Variants in SERPINA6 observed in about 807,000 individuals in gnomAD.
SERPINA6 encodes corticosteroid-binding globulin.
SERPINA6 carries 19 observed loss-of-function variants against 26.4 expected under a neutral mutation model. That is an observed-to-expected ratio of 0.72 (90% CI 0.50 to 1.06). The LOEUF is 1.06. Among genes scored for constraint, SERPINA6 ranks in the 50% least tolerant of loss-of-function variants. SERPINA6 has a pLI of 0.00. For missense variants in SERPINA6, 473 were observed against 504.0 expected (o/e 0.94, Z 0.59); for synonymous variants, 196 against 199.4 (o/e 0.98, Z 0.14).
intron 1 of SERPINA6, among the ~76,000 whole-genome samples, chr14:94,319,617 A>T (rs1244916870): frequency 6.6e-6 from 1 of 152,252 alleles, no homozygotes; most frequent in African/African-American, 2.4e-5. Flanking sequence ...ACAATGGAAT[A>T]CTATTCAACT....
At chr14:94,313,785 T>C in intron 2 of SERPINA6, 1 of 639,758 alleles carries the variant, frequency 1.6e-6, no homozygotes, top group South Asian at 1.7e-5. Context: ...TGTTCATGGT[T>C]ACAGGTGTGG....
intron 1 of SERPINA6, among the ~76,000 whole-genome samples, chr14:94,319,690 A>G (rs1354430140): frequency 6.6e-6 from 1 of 152,230 alleles, no homozygotes; most frequent in African/African-American, 2.4e-5. Flanking sequence ...ACATTATGTT[A>G]TGTGAAATAA....
intron 3 of SERPINA6, 94 bp from the exon 4 acceptor site, chr14:94,306,312 C>G (rs992245496): frequency 9.4e-5 from 126 of 1,342,882 alleles, no homozygotes; most frequent in Non-Finnish European, 1.3e-4. Context: ...CTCTTATTTC[C>G]TCATGCGCTC....
intron 1 of SERPINA6, among the ~76,000 whole-genome samples, chr14:94,317,594 C>T (rs943746441): frequency 1.3e-5 from 2 of 152,192 alleles, no homozygotes; most frequent in Admixed American, 6.5e-5. Context: ...CCATTTTATT[C>T]ACACCTCAAA....
chr14:94,312,226 G>C (rs901403988), intron 2 of SERPINA6, among the ~76,000 whole-genome samples: 1 of 152,166 alleles, frequency 6.6e-6, no homozygotes, highest in African/African-American at 2.4e-5. Context: ...ACCTAAAGCT[G>C]TGATCTCCTA....
chr14:94,321,031 C>T (rs1895678715), intron 1 of SERPINA6, among the ~76,000 whole-genome samples: 1 of 152,124 alleles, frequency 6.6e-6, no homozygotes, highest in Admixed American at 6.5e-5. Context: ...CTAGCACTGC[C>T]ATGTATGAAT....
intron 1 of SERPINA6, chr14:94,314,915 A>G (rs1030570498): frequency 1.6e-5 from 9 of 576,282 alleles, no homozygotes; most frequent in Non-Finnish European, 2.8e-5. Context: ...GTCTGGCTAT[A>G]TTCAGTCATC....
chr14:94,319,316 G>A (rs1033652748), intron 1 of SERPINA6, among the ~76,000 whole-genome samples: 16 of 152,126 alleles, frequency 1.1e-4, no homozygotes, highest in African/African-American at 3.9e-4. Context: ...TTAAATGTTA[G>A]CATTGCATGT....
At chr14:94,309,283 T>C (rs1895488662) in intron 3 of SERPINA6, among the ~76,000 whole-genome samples, 1 of 150,094 alleles carries the variant, frequency 6.7e-6, no homozygotes, top group African/African-American at 2.4e-5. Context: ...GAACCATTCA[T>C]AGATTTTGCA....
intron 1 of SERPINA6, among the ~76,000 whole-genome samples, chr14:94,321,253 T>C (rs1280409202): frequency 1.3e-5 from 2 of 152,058 alleles, no homozygotes; most frequent in South Asian, 2.1e-4. Flanking sequence ...CTTTTACCCA[T>C]CTGCAGCTGC....
chr14:94,304,565 A>G lies in SERPINA6; in HGVS notation c.1071T>C (p.Gly357=), dbSNP rs144033310. ...HKAVLQLNEE[G]VDTAGSTGVT... is the part of the protein sequence containing the mutation. ...CCCCAGTGGAGCCAGCTGTGTCCAC[A>G]CCCTCCTCATTGAGTTGCAGCACAG... is the stretch of plus-strand genomic sequence containing the variant. Residue 357 remains glycine (G), a synonymous_variant, in exon 5 of 5, where the codon GGT becomes GGC. Coordinates refer to ENST00000341584, the MANE Select transcript of SERPINA6 (RefSeq NM_001756.4). 4.3e-6 allele frequency: 7 copies of G among 1,614,092 alleles called. No homozygotes were observed. Among genetic ancestry groups the G allele is most frequent in the Non-Finnish European group, 5.9e-6 (7 of 1,180,016 alleles).
At chr14:94,308,821 A>G (rs1345193990) in intron 3 of SERPINA6, among the ~76,000 whole-genome samples, 1 of 152,028 alleles carries the variant, frequency 6.6e-6, no homozygotes. Context: ...CCATCCGCTC[A>G]CTCATGCATC....
chr14:94,313,747 G>A (rs1267095196), intron 2 of SERPINA6: 7 of 566,342 alleles, frequency 1.2e-5, no homozygotes, highest in Non-Finnish European at 1.9e-5. Context: ...TTGACAGTCA[G>A]CATTTGTGGA....
At chr14:94,307,634 T>C (rs937483601) in intron 3 of SERPINA6, among the ~76,000 whole-genome samples, 5 of 152,224 alleles carry the variant, frequency 3.3e-5, no homozygotes, top group African/African-American at 7.2e-5. Context: ...AGGTTTTCTT[T>C]GGTGGGTAGA....
chr14:94,305,971 A>C, intron 4 of SERPINA6, 100 bp downstream of exon 4: 2 of 1,386,480 alleles, frequency 1.4e-6, no homozygotes, highest in Non-Finnish European at 1.0e-6. Context: ...CCAGGGACCT[A>C]GAGGCTCATT....
intron 4 of SERPINA6, 48 bp from the exon 5 acceptor site, chr14:94,304,651 T>A: frequency 1.3e-6 from 2 of 1,532,320 alleles, no homozygotes; most frequent in Non-Finnish European, 1.8e-6. Flanking sequence ...CTGTGCGTTC[T>A]CGCTTTCCTG....
chr14:94,321,377 G>A (rs1332068826), intron 1 of SERPINA6, among the ~76,000 whole-genome samples: 1 of 152,218 alleles, frequency 6.6e-6, no homozygotes, highest in African/African-American at 2.4e-5. Context: ...GGGGGTCTTT[G>A]TGACCCAGTC....
chr14:94,312,170 ATG>A (rs1258561744), intron 2 of SERPINA6, among the ~76,000 whole-genome samples: 1 of 152,160 alleles, frequency 6.6e-6, no homozygotes, highest in African/African-American at 2.4e-5. Flanking sequence ...ATCTCCATCA[ATG>A]TCTGGTCCTG....
chr14:94,304,748 T>A, intron 4 of SERPINA6, 145 bp from the exon 5 acceptor site: 1 of 707,142 alleles, frequency 1.4e-6, no homozygotes. Context: ...CTTATCCAAG[T>A]GGCAGCCCCA....
Sources: allele counts gnomAD v4.1 joint callset (sites outside exome capture counted in the v4.1 genomes callset), GRCh38; gene constraint gnomAD v4.1.1; transcripts MANE v1.5; gene names NCBI Gene and HGNC (gene_info 2026-07-23, HGNC 2026-07-21).